Variants in RIGI observed in about 807,000 individuals in gnomAD.
RIGI encodes antiviral innate immune response receptor RIG-I.
At chr9:32,480,645 T>C in the RIGI span, among the ~76,000 whole-genome samples, 1 of 152,120 alleles carries the variant, frequency 6.6e-6, no homozygotes, top group Admixed American at 6.6e-5. Context: ...ATATCAAAAT[T>C]TAAAAATAAG....
At chr9:32,509,176 C>T in the RIGI span, among the ~76,000 whole-genome samples, 1 of 152,174 alleles carries the variant, frequency 6.6e-6, no homozygotes, top group Admixed American at 6.5e-5. Context: ...GGCACAGCTT[C>T]AGCAGACTTA....
chr9:32,478,994 A>G, the RIGI span, among the ~76,000 whole-genome samples: 1 of 152,268 alleles, frequency 6.6e-6, no homozygotes, highest in Non-Finnish European at 1.5e-5. Context: ...TATACAGTTC[A>G]GCAAAAAATT....
chr9:32,459,768 TA>T, the RIGI span, among the ~76,000 whole-genome samples: 2 of 152,224 alleles, frequency 1.3e-5, no homozygotes, highest in Non-Finnish European at 2.9e-5. Context: ...ATAAAAGCAC[TA>T]AAGATGTCCA....
the RIGI span, among the ~76,000 whole-genome samples, chr9:32,482,018 A>T: frequency 5.0e-3 from 769 of 152,332 alleles, 5 homozygotes; most frequent in African/African-American, 0.018. Context: ...GAGGAGTAAG[A>T]AAATAGAAAC....
At chr9:32,470,167 A>T in the RIGI span, among the ~76,000 whole-genome samples, 1 of 152,228 alleles carries the variant, frequency 6.6e-6, no homozygotes, top group East Asian at 1.9e-4. Flanking sequence ...ATGTATTCTC[A>T]GTAAAACCAA....
chr9:32,476,997 T>C, the RIGI span: 3 of 1,613,718 alleles, frequency 1.9e-6, no homozygotes, highest in African/African-American at 4.0e-5. Flanking sequence ...ACAAGTGCTC[T>C]GGTTTTCACA....
the RIGI span, among the ~76,000 whole-genome samples, chr9:32,511,242 G>C: frequency 6.6e-6 from 1 of 152,094 alleles, no homozygotes; most frequent in Non-Finnish European, 1.5e-5. Flanking sequence ...TGACCTAGTA[G>C]ACATCTACAG....
the RIGI span, among the ~76,000 whole-genome samples, chr9:32,499,311 G>GTTTTTTTTTTTTTTTTTTTTTTTTTTTT: frequency 2.5e-5 from 2 of 81,122 alleles, no homozygotes; most frequent in African/African-American, 5.1e-5. Context: ...CAGAGTTTGT[G>GTTTTTTTTTTTTTTTTTTTTTTTTTTTT]ATTTGTTTTT....
the RIGI span, among the ~76,000 whole-genome samples, chr9:32,465,443 G>C: frequency 2.0e-5 from 3 of 152,198 alleles, no homozygotes; most frequent in Non-Finnish European, 2.9e-5. Context: ...TCTTCATGAA[G>C]TTAAACTATG....
chr9:32,463,254 A>G, the RIGI span, among the ~76,000 whole-genome samples: 12 of 152,090 alleles, frequency 7.9e-5, no homozygotes, highest in African/African-American at 2.2e-4. Context: ...TTTTAATCCA[A>G]TTTTTCAGTT....
At chr9:32,508,715 A>G in the RIGI span, among the ~76,000 whole-genome samples, 1 of 151,270 alleles carries the variant, frequency 6.6e-6, no homozygotes, top group Non-Finnish European at 1.5e-5. Context: ...TTTTTTTTTC[A>G]TACCTCAGTG....
chr9:32,461,754 AGG>A, the RIGI span, among the ~76,000 whole-genome samples: 13 of 152,108 alleles, frequency 8.5e-5, no homozygotes, highest in Non-Finnish European at 5.9e-5. Flanking sequence ...TCCATTCATT[AGG>A]GATTGCCTTA....
the RIGI span, chr9:32,456,875 A>C: frequency 2.3e-6 from 1 of 435,386 alleles, no homozygotes; most frequent in Admixed American, 3.9e-5. Flanking sequence ...GACTCTAAAA[A>C]GAAGGCTAGA....
the RIGI span, chr9:32,480,278 C>T: frequency 6.2e-7 from 1 of 1,611,712 alleles, no homozygotes; most frequent in South Asian, 1.1e-5. Flanking sequence ...TCGGACATTG[C>T]TGAAGAAGTC....
At chr9:32,496,905 C>A in the RIGI span, among the ~76,000 whole-genome samples, 4 of 152,092 alleles carry the variant, frequency 2.6e-5, no homozygotes, top group African/African-American at 9.7e-5. Context: ...GCTCTTTTGG[C>A]CTATTTGTCT....
the RIGI span, among the ~76,000 whole-genome samples, chr9:32,515,607 A>G: frequency 3.9e-5 from 6 of 152,210 alleles, no homozygotes; most frequent in Non-Finnish European, 7.3e-5. Context: ...TTTGTGAATC[A>G]TATTTTCAAA....
At chr9:32,493,886 A>C in the RIGI span, 52 of 1,609,762 alleles carry the variant, frequency 3.2e-5, no homozygotes, top group Non-Finnish European at 4.4e-5. Flanking sequence ...TACTCCTCCA[A>C]CTTTTCAATT....
chr9:32,503,648 G>A, the RIGI span, among the ~76,000 whole-genome samples: 4 of 152,186 alleles, frequency 2.6e-5, no homozygotes, highest in Non-Finnish European at 4.4e-5. Context: ...CCTGGCTCAC[G>A]CATGTGTCCA....
At chr9:32,490,200 C>T in the RIGI span, among the ~76,000 whole-genome samples, 1 of 152,042 alleles carries the variant, frequency 6.6e-6, no homozygotes, top group African/African-American at 2.4e-5. Context: ...ATGCTGAAAT[C>T]CCCACCTCTC....
Sources: gnomAD v4.1 joint callset for allele counts (sites outside exome capture counted in the v4.1 genomes callset) on GRCh38, gnomAD v4.1.1 for gene constraint, MANE v1.5 for transcripts, NCBI Gene and HGNC (gene_info 2026-07-23, HGNC 2026-07-21) for gene names.